The following GSDME variants were observed in gnomAD, a reference collection of about 807,000 sequenced individuals.
GSDME encodes gasdermin-E.
Under a neutral mutation model 47.5 loss-of-function variants are expected in GSDME, and 44 were observed. The observed-to-expected ratio is 0.93, with a 90% confidence interval of 0.73 to 1.19. GSDME has a LOEUF of 1.19. Among genes scored for constraint, GSDME ranks in the 50% most tolerant of loss-of-function variants. GSDME has a pLI of 0.00. For synonymous variants in GSDME, 258 were observed against 252.8 expected, an observed-to-expected ratio of 1.02 and a Z score of -0.20; for missense variants, 663 against 604.2, an observed-to-expected ratio of 1.10 and a Z score of -1.02.
At chr7:24,702,736 G>T (rs1268994170) in intron 9 of GSDME, 24 bp downstream of exon 9, 1 of 1,606,662 alleles carries the variant, frequency 6.2e-7, no homozygotes, top group Admixed American at 1.7e-5. Context: ...TCCATTCTAA[G>T]GTCCCACCTG....
At position 24,739,331 on chromosome 7, in the gene GSDME, T is replaced by C. The variant is rs2128061062; in HGVS notation, c.404+5231A>G. ...ATGGGCAAAAGATCTAAATAGACAT[T>C]TCTCAAAAGACGACATACAAATGTC... On this transcript the variant is annotated intron_variant, in intron 3 of 9. Coordinates refer to ENST00000645220, the MANE Select transcript of GSDME (RefSeq NM_001127453.2). This position sits in a 1 kb window ranked among gnomAD's most constrained non-coding sequence, Gnocchi z 5.1. 6.6e-6 allele frequency among the ~76,000 whole-genome samples: 1 copy of C among 152,258 alleles called. No individual in the cohort carries two copies. The highest frequency in any genetic ancestry group is 1.5e-5 in the Non-Finnish European group (1 of 68,014).
Position 24,706,386 on chromosome 7 carries a change from A to G in GSDME, c.991-10T>C. On this transcript the variant is annotated splice_polypyrimidine_tract_variant and intron_variant, in intron 7 of 9. Coordinates refer to ENST00000645220, the MANE Select transcript of GSDME (RefSeq NM_001127453.2). ...TGACCAGGTCATCGCACTGTAGGGCAGGGAAGAAGAAGGGTCATGACACAG... is the reference window on the plus strand; with the variant it reads ...TGACCAGGTCATCGCACTGTAGGGCGGGGAAGAAGAAGGGTCATGACACAG... 6.2e-7 allele frequency: 1 copy of G among 1,611,360 alleles called. No individual in the cohort carries two copies.
the GSDME span, among the ~76,000 whole-genome samples, chr7:24,762,974 G>A: frequency 7.2e-5 from 11 of 152,108 alleles, no homozygotes; most frequent in African/African-American, 2.2e-4. Context: ...GAAAGAACCC[G>A]GAGACTCCCT....
At position 24,710,399 on chromosome 7, in the gene GSDME, G is replaced by A. The variant is rs1789306260; in HGVS notation, c.698-11C>T. On this transcript the variant is annotated splice_polypyrimidine_tract_variant and intron_variant, in intron 5 of 9. Transcript: ENST00000645220. ...GGAGAAGGCAGAACTCTGTAGTGCA[G>A]GAGAAAAGGACAAGTTAGGTAAAGT... 1 of 1,614,036 alleles carries A rather than the reference G, an allele frequency of 6.2e-7. No individual in the cohort carries two copies. The highest frequency in any genetic ancestry group is 1.7e-5 in the Admixed American group (1 of 60,002).
At chr7:24,764,656 T>A in the GSDME span, among the ~76,000 whole-genome samples, 2 of 152,168 alleles carry the variant, frequency 1.3e-5, no homozygotes, top group African/African-American at 4.8e-5. The surrounding 1 kb of genome is among the most constrained non-coding windows in gnomAD (Gnocchi z 4.4). Flanking sequence ...ACATGGCTGT[T>A]TGATGATTTT....
rs143614706 is a variant in GSDME at position 24,744,881 on chromosome 7, C to T, written c.212-127G>A. On this transcript the variant is annotated intron_variant, in intron 2 of 9. Transcript: ENST00000645220. This position sits in a 1 kb window ranked among gnomAD's most constrained non-coding sequence, Gnocchi z 4.5. Reference sequence around the variant, plus strand: ...GAAGGCTGGCACTCAGATGGAAAGCCGGCAGCCATGCTGTGTGTGTGGGCA... The same window carrying T: ...GAAGGCTGGCACTCAGATGGAAAGCTGGCAGCCATGCTGTGTGTGTGGGCA... 2.4e-3 allele frequency: 2,376 copies of T among 981,748 alleles called. 16 individuals are homozygous for T. The highest frequency in any genetic ancestry group is 6.6e-3 in the South Asian group (478 of 72,476). The allele number at this position is 981,748 out of a possible 1,614,324, so 60.8% of individuals were successfully genotyped here.
At position 24,712,504 on chromosome 7, in the gene GSDME, A is replaced by G. The variant is rs1375189877; in HGVS notation, c.698-2116T>C. ...ATCCCCAGCCAGCCAGCCAGCAAAT[A>G]TGCAACAATGTAAATCTTTAAAATT... On this transcript the variant is annotated intron_variant, in intron 5 of 9. Transcript: ENST00000645220. The surrounding 1 kb of genome is among the most constrained non-coding windows in gnomAD (Gnocchi z 4.4). Among the ~76,000 whole-genome samples, 2 of 152,196 alleles carry G rather than the reference A, an allele frequency of 1.3e-5. No individual in the cohort carries two copies. The highest frequency in any genetic ancestry group is 2.9e-5 in the Non-Finnish European group (2 of 68,040).
chr7:24,720,097 A>G (rs1789719835), intron 3 of GSDME, among the ~76,000 whole-genome samples: 1 of 152,228 alleles, frequency 6.6e-6, no homozygotes, highest in Non-Finnish European at 1.5e-5. Context: ...CTTTTTACAC[A>G]TGGGGAAACT....
At chr7:24,789,261 G>GACAC in the GSDME span, among the ~76,000 whole-genome samples, 302 of 149,538 alleles carry the variant, frequency 2.0e-3, 1 homozygote, top group African/African-American at 5.8e-3. Context: ...TTCACATTAG[G>GACAC]ACACACACAC....
upstream of GSDME, among the ~76,000 whole-genome samples, chr7:24,762,861 G>A (rs1791188007): frequency 2.0e-5 from 3 of 152,038 alleles, no homozygotes; most frequent in Admixed American, 2.0e-4. Context: ...GGGTGGGGAG[G>A]AAGAACCACA....
intron 9 of GSDME, among the ~76,000 whole-genome samples, chr7:24,700,214 A>G (rs1177075355): frequency 6.6e-6 from 1 of 152,154 alleles, no homozygotes; most frequent in African/African-American, 2.4e-5. Context: ...GAGAGCAGGG[A>G]CCTTGTCTGC....
chr7:24,775,302 T>A, the GSDME span, among the ~76,000 whole-genome samples: 1 of 152,246 alleles, frequency 6.6e-6, no homozygotes, highest in African/African-American at 2.4e-5. Flanking sequence ...ATTTGCTATG[T>A]CCAGTACACT....
At position 24,702,774 on chromosome 7, in the gene GSDME, T is replaced by G. The variant is rs1320383922; in HGVS notation, c.1243A>C (p.Thr415Pro). ...GTCCKLQIIP[T>P]LCHLLRALSD... ...AGGTTGCTTACCAAGTGGCACAGTGTGGGAATGATCTGGAGTTTGCAGCAA... is the reference window on the plus strand; with the variant it reads ...AGGTTGCTTACCAAGTGGCACAGTGGGGGAATGATCTGGAGTTTGCAGCAA... Residue 415 changes from threonine (T) to proline (P), a missense_variant, in exon 9 of 10, where the codon ACA becomes CCA. Physicochemically the swap from Thr to Pro is conservative, Grantham distance 38 (BLOSUM62 -1). Coordinates refer to ENST00000645220, the MANE Select transcript of GSDME (RefSeq NM_001127453.2). 1 of 1,613,446 alleles carries G rather than the reference T, an allele frequency of 6.2e-7. No individual in the cohort carries two copies. Among genetic ancestry groups the G allele is most frequent in the Admixed American group, 1.7e-5 (1 of 59,998 alleles).
chr7:24,755,080 C>T (rs1165398147), intron 1 of GSDME, among the ~76,000 whole-genome samples: 1 of 152,186 alleles, frequency 6.6e-6, no homozygotes, highest in Non-Finnish European at 1.5e-5. Flanking sequence ...TGTTAAGTAA[C>T]TTGCCCAAGA....
chr7:24,717,496 G>A lies in GSDME; in HGVS notation c.577-122C>T. 12 of 1,480,798 alleles carry A rather than the reference G, an allele frequency of 8.1e-6. No homozygotes were observed. In the South Asian group the frequency reaches 1.3e-4, roughly 16 times the overall value. The allele number at this position is 1,480,798 out of a possible 1,614,324, so 91.7% of individuals were successfully genotyped here. On this transcript the variant is annotated intron_variant, in intron 4 of 9. Coordinates refer to ENST00000645220, the MANE Select transcript of GSDME (RefSeq NM_001127453.2). Reference sequence around the variant, plus strand: ...TGCTGAGCAATGTCCACAGAACCGAGTGGAACAGAGGAGCCAGCCAGCATG... The same window carrying A: ...TGCTGAGCAATGTCCACAGAACCGAATGGAACAGAGGAGCCAGCCAGCATG...
chr7:24,781,457 C>T, the GSDME span, among the ~76,000 whole-genome samples: 5 of 152,166 alleles, frequency 3.3e-5, no homozygotes, highest in African/African-American at 1.2e-4. Flanking sequence ...AGAGTAAAAA[C>T]CACCTCATTC....
intron 9 of GSDME, among the ~76,000 whole-genome samples, chr7:24,702,040 A>G (rs1276460987): frequency 6.6e-6 from 1 of 152,192 alleles, no homozygotes; most frequent in African/African-American, 2.4e-5. Flanking sequence ...CTTGGACTTT[A>G]GTAATTAGGC....
At chr7:24,710,458 G>A in intron 5 of GSDME, 70 bp from the exon 6 acceptor site, 2 of 1,498,444 alleles carry the variant, frequency 1.3e-6, no homozygotes, top group Non-Finnish European at 1.9e-6. Flanking sequence ...TCTGGACAGG[G>A]TCAGCCCAGC....
At chr7:24,771,766 C>T in the GSDME span, among the ~76,000 whole-genome samples, 6 of 152,250 alleles carry the variant, frequency 3.9e-5, no homozygotes, top group South Asian at 1.0e-3. The surrounding 1 kb of genome is among the most constrained non-coding windows in gnomAD (Gnocchi z 4.1). Context: ...AAAACTGCTC[C>T]CGTACCTGCC....
Sources: allele counts gnomAD v4.1 joint callset (sites outside exome capture counted in the v4.1 genomes callset), GRCh38; gene constraint gnomAD v4.1.1; non-coding constraint Gnocchi (gnomAD v3.1); transcripts MANE v1.5; gene names NCBI Gene and HGNC (gene_info 2026-07-23, HGNC 2026-07-21).